Variants in TBC1D22A observed in about 807,000 individuals in gnomAD.
The protein encoded by TBC1D22A is putative GTPase activator.
In TBC1D22A, 38 loss-of-function variants were observed where a neutral mutation model predicts 60.2. The observed-to-expected ratio is 0.63, with a 90% confidence interval of 0.49 to 0.83. The LOEUF is 0.83. Among genes scored for constraint, TBC1D22A ranks in the 40% least tolerant of loss-of-function variants. The pLI, the probability that TBC1D22A is intolerant of heterozygous loss-of-function variation, is 0.00. For synonymous variants in TBC1D22A, 302 were observed against 281.7 expected (o/e 1.07, Z -0.72); for missense variants, 628 against 701.0 (o/e 0.90, Z 1.18).
intron 11 of TBC1D22A, among the ~76,000 whole-genome samples, chr22:47,097,043 G>C (rs1285039171): frequency 1.6e-5 from 1 of 63,940 alleles, no homozygotes; most frequent in Non-Finnish European, 2.7e-5. Flanking sequence ...ATGGATGATT[G>C]TGTGTCCACA....
intron 4 of TBC1D22A, among the ~76,000 whole-genome samples, chr22:46,878,059 G>A (rs2067648760): frequency 6.6e-6 from 1 of 152,000 alleles, no homozygotes; most frequent in African/African-American, 2.4e-5. Flanking sequence ...TCATTGACTT[G>A]TATTAGACTA....
At chr22:46,943,202 C>T (rs2072285208) in intron 8 of TBC1D22A, among the ~76,000 whole-genome samples, 1 of 152,000 alleles carries the variant, frequency 6.6e-6, no homozygotes, top group Non-Finnish European at 1.5e-5. Flanking sequence ...CTTATGCTCT[C>T]CTCCCAGCCT....
chr22:47,075,669 A>T (rs1251472663), intron 11 of TBC1D22A, among the ~76,000 whole-genome samples: 1 of 152,206 alleles, frequency 6.6e-6, no homozygotes, highest in Non-Finnish European at 1.5e-5. Context: ...TAAAAGTAAA[A>T]ATCATGAATA....
intron 7 of TBC1D22A, among the ~76,000 whole-genome samples, chr22:46,902,568 A>G (rs574739151): frequency 3.2e-4 from 49 of 152,330 alleles, no homozygotes; most frequent in Non-Finnish European, 5.9e-4. Flanking sequence ...CACTTAAGCG[A>G]CAGCTCACTT....
At chr22:46,984,640 G>A (rs1429787840) in intron 9 of TBC1D22A, among the ~76,000 whole-genome samples, 3 of 152,138 alleles carry the variant, frequency 2.0e-5, no homozygotes, top group Non-Finnish European at 4.4e-5. Flanking sequence ...TTTATAATTA[G>A]TCATTTACAT....
chr22:46,986,259 G>T (rs2074718637), intron 9 of TBC1D22A, among the ~76,000 whole-genome samples: 1 of 152,180 alleles, frequency 6.6e-6, no homozygotes, highest in Non-Finnish European at 1.5e-5. Flanking sequence ...CGTACAAATG[G>T]ATCTTAATCC....
intron 11 of TBC1D22A, among the ~76,000 whole-genome samples, chr22:47,085,054 C>T (rs776853312): frequency 7.9e-5 from 12 of 152,172 alleles, no homozygotes; most frequent in Non-Finnish European, 1.6e-4. Flanking sequence ...CTAAGGCAGG[C>T]GGATCGCCTG....
At chr22:46,896,188 T>C (rs2068669600) in intron 7 of TBC1D22A, among the ~76,000 whole-genome samples, 1 of 152,210 alleles carries the variant, frequency 6.6e-6, no homozygotes, top group Non-Finnish European at 1.5e-5. Flanking sequence ...TCCTCCTGCC[T>C]TTTGCCCATT....
At chr22:47,168,587 T>G (rs986685758) in intron 12 of TBC1D22A, among the ~76,000 whole-genome samples, 2 of 152,190 alleles carry the variant, frequency 1.3e-5, no homozygotes, top group African/African-American at 4.8e-5. Context: ...GTGATCTTGC[T>G]TCCCTCGCTG....
chr22:47,148,122 T>A (rs1402047613), intron 12 of TBC1D22A, among the ~76,000 whole-genome samples: 3 of 151,928 alleles, frequency 2.0e-5, no homozygotes, highest in Non-Finnish European at 4.4e-5. Context: ...AAATGAAGCA[T>A]CTCAACAGAG....
At chr22:46,831,195 C>T (rs1375520800) in intron 4 of TBC1D22A, among the ~76,000 whole-genome samples, 1 of 152,112 alleles carries the variant, frequency 6.6e-6, no homozygotes, top group Non-Finnish European at 1.5e-5. Flanking sequence ...ACAGAGCCCA[C>T]CCCTGACATT....
chr22:47,037,087 C>G lies in TBC1D22A; in HGVS notation c.1218C>G (p.His406Gln). 1 of 1,613,850 alleles carries G rather than the reference C, an allele frequency of 6.2e-7. No homozygotes were observed. Among genetic ancestry groups the G allele is most frequent in the East Asian group, 2.2e-5 (1 of 44,856 alleles). Residue 406 changes from histidine to glutamine, a missense_variant, in exon 11 of 13, where the codon CAC becomes CAG. Transcript: ENST00000337137. ...TTTGTGCAGAGCAAGTGCACCGGCA[C>G]CTGGACCAACACGAAGTGAGATACC... The part of the protein sequence containing the change: ...VSRIDEQVHR[H>Q]LDQHEVRYLQ...
At chr22:46,824,985 G>A (rs2085987468) in intron 4 of TBC1D22A, among the ~76,000 whole-genome samples, 2 of 152,058 alleles carry the variant, frequency 1.3e-5, no homozygotes, top group African/African-American at 4.8e-5. Context: ...ATGGGGACGT[G>A]GGGTGTGGAT....
At chr22:46,876,115 T>C (rs554197838) in intron 4 of TBC1D22A, among the ~76,000 whole-genome samples, 1 of 152,274 alleles carries the variant, frequency 6.6e-6, no homozygotes, top group African/African-American at 2.4e-5. Flanking sequence ...AACTTTGTAG[T>C]TTTGTGGGAA....
chr22:47,093,913 C>A (rs2065075725), intron 11 of TBC1D22A, among the ~76,000 whole-genome samples: 1 of 152,190 alleles, frequency 6.6e-6, no homozygotes, highest in East Asian at 1.9e-4. Flanking sequence ...CAATTATTCC[C>A]AAGGAAGAAG....
chr22:47,160,067 C>T (rs548925581), intron 12 of TBC1D22A, among the ~76,000 whole-genome samples: 5 of 151,080 alleles, frequency 3.3e-5, no homozygotes, highest in East Asian at 2.0e-4. Flanking sequence ...ACACTCAGCA[C>T]GTGAGGTGGA....
At chr22:46,993,417 A>G (rs897689919) in intron 9 of TBC1D22A, among the ~76,000 whole-genome samples, 10 of 152,250 alleles carry the variant, frequency 6.6e-5, no homozygotes, top group African/African-American at 2.2e-4. Context: ...TAAAGATACC[A>G]GATCTCAATT....
intron 4 of TBC1D22A, among the ~76,000 whole-genome samples, chr22:46,813,458 A>G (rs1196013037): frequency 6.6e-6 from 1 of 152,222 alleles, no homozygotes; most frequent in African/African-American, 2.4e-5. Flanking sequence ...TTTTTACTTT[A>G]ACTTTTTATT....
At chr22:47,041,897 G>A (rs1183460298) in intron 11 of TBC1D22A, among the ~76,000 whole-genome samples, 1 of 152,226 alleles carries the variant, frequency 6.6e-6, no homozygotes, top group Non-Finnish European at 1.5e-5. Context: ...CTTGCCTACC[G>A]AGGCACCAGC....
Sources: allele counts gnomAD v4.1 joint callset (sites outside exome capture counted in the v4.1 genomes callset), GRCh38; gene constraint gnomAD v4.1.1; transcripts MANE v1.5; gene names NCBI Gene and HGNC (gene_info 2026-07-23, HGNC 2026-07-21).